PCBP3: variants seen among roughly 807,000 people sequenced by gnomAD.
PCBP3 encodes the protein poly(rC)-binding protein 3.
In PCBP3, 25 loss-of-function variants were observed where a neutral mutation model predicts 52.7. That is an observed-to-expected ratio of 0.47 (90% CI 0.35 to 0.66). The LOEUF is 0.66. Ranked by LOEUF, PCBP3 falls within the 30% of genes least tolerant of loss-of-function variation. The pLI, the probability that PCBP3 is intolerant of heterozygous loss-of-function variation, is 0.01. For synonymous variants in PCBP3, 162 were observed against 183.0 expected (o/e 0.89, Z 0.93); for missense variants, 391 against 490.3 (o/e 0.80, Z 1.91).
chr21:45,736,486 A>G lies in PCBP3; in HGVS notation c.-162+1057A>G, dbSNP rs2085878169. Among the ~76,000 whole-genome samples, 1 of 152,266 alleles carries G rather than the reference A, an allele frequency of 6.6e-6. No individual in the cohort carries two copies. Among genetic ancestry groups the G allele is most frequent in the Non-Finnish European group, 1.5e-5 (1 of 68,026 alleles). ...GGAGACAGTGCTGCGGGCCCCGCCT[A>G]CTAACTTCCAGAGATGTCAGCTGCA... On this transcript the variant is annotated intron_variant, in intron 3 of 17. Transcript: ENST00000681687. This position sits in a 1 kb window ranked among gnomAD's most constrained non-coding sequence, Gnocchi z 4.6.
rs1337055013 is a variant in PCBP3 at position 45,821,231 on chromosome 21, C to G, written c.-125-28730C>G. Among the ~76,000 whole-genome samples the G allele has an allele frequency of 6.6e-6, 1 of 152,120 alleles. No individual in the cohort carries two copies. The highest frequency in any genetic ancestry group is 1.5e-5 in the Non-Finnish European group (1 of 68,000). On this transcript the variant is annotated intron_variant, in intron 4 of 17. Transcript: ENST00000681687. The surrounding 1 kb of genome is among the most constrained non-coding windows in gnomAD (Gnocchi z 4.4). ...ACCCCCTCTCCTGTGCAGCCTCTCCCTAATCCTGGATTCCGCAGGGGCTCC... is the reference window on the plus strand; with the variant it reads ...ACCCCCTCTCCTGTGCAGCCTCTCCGTAATCCTGGATTCCGCAGGGGCTCC...
intron 6 of PCBP3, among the ~76,000 whole-genome samples, chr21:45,899,031 C>G (rs2149073645): frequency 6.8e-6 from 1 of 147,834 alleles, no homozygotes; most frequent in Admixed American, 6.8e-5. Context: ...ACAGTAGCAC[C>G]TGTCAGCTCT....
intron 4 of PCBP3, among the ~76,000 whole-genome samples, chr21:45,841,492 T>A (rs995851398): frequency 6.6e-6 from 1 of 152,224 alleles, no homozygotes; most frequent in African/African-American, 2.4e-5. Context: ...TTCTGAGATG[T>A]TCTAATACTA....
chr21:45,665,665 A>G (rs1278569972), intron 1 of PCBP3, among the ~76,000 whole-genome samples: 1 of 152,206 alleles, frequency 6.6e-6, no homozygotes, highest in Admixed American at 6.5e-5. Context: ...GACCAAATGG[A>G]ATCACAGCTG....
Position 45,941,892 on chromosome 21 carries a change from AG to A in PCBP3, c.*188del, listed in dbSNP as rs1212809336. On this transcript the variant is annotated 3_prime_UTR_variant, in exon 18 of 18. Coordinates refer to ENST00000681687, the MANE Select transcript of PCBP3 (RefSeq NM_001384156.1). ...CACAGCTGCTCTCTACAGAGGCTGC[AG>A]GCTCCGCCGAGTCCCCCCTCAGTGT... is the stretch of plus-strand genomic sequence containing the variant. 8.9e-6 allele frequency: 4 copies of A among 448,772 alleles called. No homozygotes were observed. Among genetic ancestry groups the A allele is most frequent in the Non-Finnish European group, 1.2e-5 (3 of 255,838 alleles). The allele number at this position is 448,772 out of a possible 1,614,324, so 27.8% of individuals were successfully genotyped here.
intron 5 of PCBP3, among the ~76,000 whole-genome samples, chr21:45,878,250 G>A (rs545275221): frequency 8.3e-4 from 127 of 152,366 alleles, no homozygotes; most frequent in Middle Eastern, 3.4e-3. Context: ...GAATGAAGGG[G>A]CCCTCCCAGG....
chr21:45,813,000 GTTTTC>G (rs1189248298), intron 4 of PCBP3, among the ~76,000 whole-genome samples: 1 of 151,934 alleles, frequency 6.6e-6, no homozygotes, highest in South Asian at 2.1e-4. Flanking sequence ...TGTGTATATG[GTTTTC>G]TTCTCTTCTG....
rs188463752 is a variant in PCBP3, at chr21:45,747,095, A to C, written c.-161-8322A>C. On this transcript the variant is annotated intron_variant, in intron 3 of 17. Transcript: ENST00000681687. ...AAAGAAAAAGAGGTTTAGGGGACTC[A>C]GTTCCACATGGCTGGGGAGGCCTCA... is the stretch of plus-strand genomic sequence containing the variant. Among the ~76,000 whole-genome samples the C allele has an allele frequency of 3.0e-3, 450 of 152,354 alleles. 1 individual carries two copies. The highest frequency in any genetic ancestry group is 1.0e-2 in the African/African-American group (414 of 41,592).
chr21:45,790,267 C>T (rs973935560), intron 4 of PCBP3, among the ~76,000 whole-genome samples: 14 of 152,116 alleles, frequency 9.2e-5, no homozygotes, highest in African/African-American at 3.4e-4. Flanking sequence ...ATTCAGGATC[C>T]GTTTTGAAGG....
chr21:45,826,273 A>T (rs1247101038), intron 4 of PCBP3, among the ~76,000 whole-genome samples: 3 of 151,942 alleles, frequency 2.0e-5, no homozygotes, highest in Non-Finnish European at 2.9e-5. Flanking sequence ...AAAAAAAAAA[A>T]TTAAATTAAA....
chr21:45,684,055 C>CAA (rs71334088), intron 2 of PCBP3, among the ~76,000 whole-genome samples: 272 of 78,130 alleles, frequency 3.5e-3, no homozygotes, highest in East Asian at 5.1e-3. Flanking sequence ...CCCATCTCTA[C>CAA]AAAAAAAAAA....
rs1436088167 is a variant in PCBP3, at chr21:45,724,684, C to T, written c.-199-10708C>T. Among the ~76,000 whole-genome samples the T allele has an allele frequency of 2.0e-5, 3 of 151,900 alleles. No individual in the cohort carries two copies. Among genetic ancestry groups the T allele is most frequent in the Admixed American group, 6.6e-5 (1 of 15,256 alleles). ...GATGGGGAACAGCAAGGGTGGGGTG[C>T]CTCGGTGGGATCTGAAAGAGAACCC... On this transcript the variant is annotated intron_variant, in intron 2 of 17. Transcript: ENST00000681687. The surrounding 1 kb of genome is among the most constrained non-coding windows in gnomAD (Gnocchi z 5.3).
chr21:45,772,105 A>G (rs1021218806), intron 4 of PCBP3, among the ~76,000 whole-genome samples: 3 of 152,212 alleles, frequency 2.0e-5, no homozygotes, highest in Non-Finnish European at 4.4e-5. Flanking sequence ...CCTGAATACA[A>G]TATAGTTTTG....
intron 4 of PCBP3, among the ~76,000 whole-genome samples, chr21:45,845,541 A>G (rs1473794917): frequency 6.9e-6 from 1 of 144,656 alleles, no homozygotes; most frequent in Non-Finnish European, 1.5e-5. Flanking sequence ...TGCTGTGTGT[A>G]TGCATGTGTG....
At chr21:45,916,257 T>A (rs1305914803) in intron 12 of PCBP3, 1 of 152,256 alleles carries the variant, frequency 6.6e-6, no homozygotes, top group Non-Finnish European at 1.5e-5. Context: ...CCAGCATGAG[T>A]TCCAGGGCCC....
chr21:45,885,389 T>C (rs943633306), intron 5 of PCBP3, among the ~76,000 whole-genome samples: 1 of 152,226 alleles, frequency 6.6e-6, no homozygotes, highest in African/African-American at 2.4e-5. Context: ...TTTATCCTGT[T>C]TGGGGTTTAC....
At chr21:45,787,949 A>T (rs943290454) in intron 4 of PCBP3, among the ~76,000 whole-genome samples, 1 of 152,216 alleles carries the variant, frequency 6.6e-6, no homozygotes, top group African/African-American at 2.4e-5. Context: ...AGTAAAGGGT[A>T]ACTTTTTAGC....
intron 3 of PCBP3, among the ~76,000 whole-genome samples, chr21:45,752,502 T>C (rs1022488448): frequency 5.3e-5 from 8 of 152,148 alleles, no homozygotes; most frequent in Non-Finnish European, 1.0e-4. Context: ...GTACTTTTAT[T>C]ATCCTTAACT....
chr21:45,870,051 CATTT>C (rs1369934955), intron 5 of PCBP3, among the ~76,000 whole-genome samples: 2 of 148,290 alleles, frequency 1.3e-5, no homozygotes, highest in Non-Finnish European at 3.0e-5. Context: ...TATTTTTGTT[CATTT>C]ATTTTTTAGT....
Sources: gnomAD v4.1 joint callset for allele counts (sites outside exome capture counted in the v4.1 genomes callset) on GRCh38, gnomAD v4.1.1 for gene constraint, Gnocchi (gnomAD v3.1) non-coding constraint, MANE v1.5 for transcripts, NCBI Gene and HGNC (gene_info 2026-07-23, HGNC 2026-07-21) for gene names.